Variants in TBC1D4 observed in about 807,000 individuals in gnomAD.
The protein encoded by TBC1D4 is TBC (Tre-2, BUB2, CDC16) domain-containing protein.
A neutral mutation model predicts 142.5 loss-of-function variants in TBC1D4; 121 were observed. The observed-to-expected ratio is 0.85, with a 90% CI of 0.73 to 0.99. The LOEUF (loss-of-function observed/expected upper bound fraction) is 0.99. Ranked by LOEUF, TBC1D4 falls within the 50% of genes least tolerant of loss-of-function variation. TBC1D4 has a pLI of 0.00. For synonymous variants in TBC1D4, 630 were observed against 628.2 expected (o/e 1.00, Z -0.04); for missense variants, 1,475 against 1,606.6 (o/e 0.92, Z 1.40).
Position 75,393,116 on chromosome 13 carries a change from T to C in TBC1D4, c.499-30509A>G, listed in dbSNP as rs1009462710. 2.3e-4 allele frequency among the ~76,000 whole-genome samples: 32 copies of C among 141,474 alleles called. No homozygotes were observed. The East Asian group carries it at 6.4e-3, about 28-fold the overall frequency. 92.8% of individuals were successfully genotyped at this position (141,474 alleles called of 152,430 possible). On this transcript the variant is annotated intron_variant, in intron 1 of 20. Coordinates refer to ENST00000377636, the MANE Select transcript of TBC1D4 (RefSeq NM_014832.5). ...AAAAATACATAAATTTAAATTAAAA[T>C]ACACACACACACACACACACACACA...
chr13:75,320,285 T>C (rs1019143418), intron 11 of TBC1D4, among the ~76,000 whole-genome samples: 6 of 152,188 alleles, frequency 3.9e-5, no homozygotes, highest in Non-Finnish European at 5.9e-5. Context: ...TATCAGTGAA[T>C]AGAAGTAGTA....
intron 16 of TBC1D4, 39 bp from the exon 17 acceptor site, chr13:75,299,613 C>T (rs374272513): frequency 1.2e-6 from 2 of 1,611,268 alleles, no homozygotes; most frequent in Non-Finnish European, 1.7e-6. Context: ...TTGAAATGTC[C>T]TCATGCCTTG....
In TBC1D4 at chr13:75,349,091, T is replaced by C. The variant is rs191445870; in HGVS notation, c.1408+79A>G. ...TGTTTCACATCGAAACAAAGAACTA[T>C]TCAATGACAATAGGGACTTTCTCAT... On this transcript the variant is annotated intron_variant, in intron 5 of 20. Coordinates refer to ENST00000377636, the MANE Select transcript of TBC1D4 (RefSeq NM_014832.5). 10 of 1,602,494 alleles carry C rather than the reference T, an allele frequency of 6.2e-6. No homozygotes were observed. In the Admixed American group the frequency reaches 1.5e-4, roughly 24 times the overall value.
chr13:75,349,085 G>T (rs1881393763), intron 5 of TBC1D4, 85 bp downstream of exon 5: 9 of 1,589,950 alleles, frequency 5.7e-6, no homozygotes, highest in African/African-American at 1.3e-5. Flanking sequence ...TCGAAACAAA[G>T]AACTATTCAA....
At position 75,310,105 on chromosome 13, in the gene TBC1D4, T is replaced by G; in HGVS notation, c.2430A>C (p.Pro810=). The G allele has an allele frequency of 6.2e-7, 1 of 1,614,080 alleles. No homozygotes were observed. The highest frequency in any genetic ancestry group is 8.5e-7 in the Non-Finnish European group (1 of 1,179,998). The change falls in exon 14 of 21, where the codon CCA becomes CCC. Residue 810 remains proline (P), a synonymous_variant. Coordinates refer to ENST00000377636, the MANE Select transcript of TBC1D4 (RefSeq NM_014832.5). ...NELLPLSPLS[P]TMEEEPLVVF... ...CAACCAGCGGTTCCTCCTCCATGGT[T>G]GGAGAGAGGGGGGACAGTGGCAGCA...
At chr13:75,367,488 A>G (rs1212237195) in intron 1 of TBC1D4, among the ~76,000 whole-genome samples, 2 of 152,138 alleles carry the variant, frequency 1.3e-5, no homozygotes, top group African/African-American at 2.4e-5. Context: ...ATCTTTTATA[A>G]TAACTATAGT....
In TBC1D4 at chr13:75,359,784, G is replaced by C. The variant is rs775558145; in HGVS notation, c.1155C>G (p.Ile385Met). The change falls in exon 3 of 21, where the codon ATC (isoleucine) becomes ATG (methionine). Residue 385 changes from isoleucine to methionine, a missense_variant. Coordinates refer to ENST00000377636, the MANE Select transcript of TBC1D4 (RefSeq NM_014832.5). ...SVVLEKNFKDISSCSQGIKHV... is the reference protein window; with the variant it reads ...SVVLEKNFKDMSSCSQGIKHV... ...TGATACATACCTGAGAACAAGAGGA[G>C]ATATCTTTAAAATTCTTTTCTAGCA... The C allele has an allele frequency of 6.2e-7, 1 of 1,612,352 alleles. No individual in the cohort carries two copies. The highest frequency in any genetic ancestry group is 2.2e-5 in the East Asian group (1 of 44,748).
intron 8 of TBC1D4, among the ~76,000 whole-genome samples, chr13:75,334,558 G>C (rs1880037757): frequency 1.3e-5 from 2 of 151,038 alleles, no homozygotes; most frequent in South Asian, 4.2e-4. Flanking sequence ...ATTTCCATAG[G>C]TTATTGGGGA....
rs1882005635 is a variant in TBC1D4 at position 75,355,917 on chromosome 13, C to T, written c.1275+230G>A. Among the ~76,000 whole-genome samples the T allele has an allele frequency of 3.3e-5, 5 of 152,200 alleles. No homozygotes were observed. In the South Asian group the frequency reaches 1.0e-3, roughly 32 times the overall value. Reference sequence around the variant, plus strand: ...CTGCCTTTTAAAAAGCTCAAGTTTCCATGACTGGGTTTATTAAACCCACAA... The same window carrying T: ...CTGCCTTTTAAAAAGCTCAAGTTTCTATGACTGGGTTTATTAAACCCACAA... On this transcript the variant is annotated intron_variant, in intron 4 of 20. Transcript: ENST00000377636.
intron 1 of TBC1D4, among the ~76,000 whole-genome samples, chr13:75,420,506 T>C (rs533428153): frequency 6.4e-4 from 97 of 152,346 alleles, no homozygotes; most frequent in Middle Eastern, 3.4e-3. Flanking sequence ...AGTGTGAAAC[T>C]ACTTGGGCCT....
chr13:75,464,552 GGCTCTCA>G (rs1459886854), intron 1 of TBC1D4, among the ~76,000 whole-genome samples: 1 of 152,126 alleles, frequency 6.6e-6, no homozygotes, highest in Non-Finnish European at 1.5e-5. Context: ...CTCTGTTCAG[GGCTCTCA>G]GCTCTGAAGG....
At chr13:75,302,190 C>A in intron 16 of TBC1D4, 53 bp downstream of exon 16, 1 of 1,610,784 alleles carries the variant, frequency 6.2e-7, no homozygotes, top group Non-Finnish European at 8.5e-7. Context: ...AAAAACTTAA[C>A]AGAGGGATCA....
chr13:75,372,619 C>T (rs945818882), intron 1 of TBC1D4, among the ~76,000 whole-genome samples: 1 of 152,030 alleles, frequency 6.6e-6, no homozygotes, highest in African/African-American at 2.4e-5. Flanking sequence ...TGTACTTGCT[C>T]CAAGAAACAC....
At chr13:75,444,965 A>G (rs772525113) in intron 1 of TBC1D4, among the ~76,000 whole-genome samples, 6 of 152,166 alleles carry the variant, frequency 3.9e-5, no homozygotes, top group Non-Finnish European at 7.3e-5. Flanking sequence ...ATTTACCCTC[A>G]TAAAATCTAT....
intron 1 of TBC1D4, among the ~76,000 whole-genome samples, chr13:75,453,659 C>T (rs1361821381): frequency 6.6e-6 from 1 of 152,100 alleles, no homozygotes; most frequent in African/African-American, 2.4e-5. Flanking sequence ...GTCAGGTGTT[C>T]AAGACTAGCC....
At chr13:75,324,509 C>T in intron 10 of TBC1D4, 108 bp from the exon 11 acceptor site, 6 of 1,335,632 alleles carry the variant, frequency 4.5e-6, no homozygotes, top group Non-Finnish European at 6.3e-6. Context: ...TTAATCTTTC[C>T]TTTCAAGGCT....
At chr13:75,412,279 T>C (rs1289236014) in intron 1 of TBC1D4, among the ~76,000 whole-genome samples, 1 of 152,032 alleles carries the variant, frequency 6.6e-6, no homozygotes, top group African/African-American at 2.4e-5. Flanking sequence ...GTGGGGTTTT[T>C]TTTGTTTGTT....
At chr13:75,408,422 C>A (rs959615174) in intron 1 of TBC1D4, among the ~76,000 whole-genome samples, 1 of 152,034 alleles carries the variant, frequency 6.6e-6, no homozygotes, top group East Asian at 1.9e-4. Flanking sequence ...AATTCACATA[C>A]GAGGGTTATT....
chr13:75,313,339 G>GC (rs1350740623), intron 12 of TBC1D4, among the ~76,000 whole-genome samples: 1 of 152,100 alleles, frequency 6.6e-6, no homozygotes, highest in Non-Finnish European at 1.5e-5. Flanking sequence ...GTTTCTAATT[G>GC]CCTACGACTG....
Sources: gnomAD v4.1 joint callset for allele counts (sites outside exome capture counted in the v4.1 genomes callset) on GRCh38, gnomAD v4.1.1 for gene constraint, MANE v1.5 for transcripts, NCBI Gene and HGNC (gene_info 2026-07-23, HGNC 2026-07-21) for gene names.